TAFA1: variants seen among roughly 807,000 people sequenced by gnomAD.
TAFA1 encodes the protein chemokine-like protein TAFA-1.
A neutral mutation model predicts 18.5 loss-of-function variants in TAFA1; 4 were observed. That is an observed-to-expected ratio of 0.22 (90% CI 0.11 to 0.49). The LOEUF is 0.49. Among genes scored for constraint, TAFA1 ranks in the 20% least tolerant of loss-of-function variants. The pLI is 0.98. For missense variants in TAFA1, 147 were observed against 169.0 expected, an observed-to-expected ratio of 0.87 and a Z score of 0.72; for synonymous variants, 56 against 55.2, an observed-to-expected ratio of 1.01 and a Z score of -0.06.
intron 2 of TAFA1, among the ~76,000 whole-genome samples, chr3:68,387,855 T>C (rs768739426): frequency 6.6e-6 from 1 of 152,172 alleles, no homozygotes; most frequent in African/African-American, 2.4e-5. Flanking sequence ...ATTTATAATA[T>C]GCATTTCATT....
At chr3:68,177,575 A>G (rs1236750840) in intron 2 of TAFA1, among the ~76,000 whole-genome samples, 2 of 152,178 alleles carry the variant, frequency 1.3e-5, no homozygotes, top group African/African-American at 2.4e-5. Flanking sequence ...GTACAAGTTT[A>G]AATGTAGTTT....
At chr3:68,134,439 G>A (rs1031539413) in intron 2 of TAFA1, among the ~76,000 whole-genome samples, 14 of 152,020 alleles carry the variant, frequency 9.2e-5, no homozygotes, top group Non-Finnish European at 1.5e-4. Context: ...TTAAAGATCC[G>A]TATAGCTCCT....
At chr3:68,402,142 G>A (rs148079255) in intron 2 of TAFA1, among the ~76,000 whole-genome samples, 1 of 152,128 alleles carries the variant, frequency 6.6e-6, no homozygotes, top group Non-Finnish European at 1.5e-5. Context: ...AAATTAGTGA[G>A]CATGAGATTT....
At chr3:68,242,091 A>G (rs957824704) in intron 2 of TAFA1, among the ~76,000 whole-genome samples, 2 of 152,182 alleles carry the variant, frequency 1.3e-5, no homozygotes, top group African/African-American at 4.8e-5. Context: ...AGGTTAGTAT[A>G]CTAGCAAGAT....
At chr3:68,184,873 G>C (rs2066251366) in intron 2 of TAFA1, among the ~76,000 whole-genome samples, 1 of 152,060 alleles carries the variant, frequency 6.6e-6, no homozygotes, top group South Asian at 2.1e-4. Flanking sequence ...GATTCCTATG[G>C]GCTGAGACAT....
chr3:68,410,835 T>C (rs2070702041), intron 2 of TAFA1, among the ~76,000 whole-genome samples: 2 of 149,296 alleles, frequency 1.3e-5, no homozygotes, highest in Non-Finnish European at 3.0e-5. Flanking sequence ...AATTTAGAAA[T>C]GGATAGGCAT....
intron 2 of TAFA1, among the ~76,000 whole-genome samples, chr3:68,181,664 T>C (rs2066202498): frequency 6.6e-6 from 1 of 152,198 alleles, no homozygotes; most frequent in Admixed American, 6.5e-5. Flanking sequence ...ATGTCTTAGA[T>C]ACAAAAATGT....
chr3:68,108,750 T>C (rs2065232471), intron 2 of TAFA1, among the ~76,000 whole-genome samples: 1 of 152,124 alleles, frequency 6.6e-6, no homozygotes, highest in Non-Finnish European at 1.5e-5. Flanking sequence ...CAAAATAGAA[T>C]ATGATTTTTA....
intron 3 of TAFA1, among the ~76,000 whole-genome samples, chr3:68,446,100 T>A (rs1380734837): frequency 2.6e-5 from 4 of 151,986 alleles, no homozygotes; most frequent in African/African-American, 4.8e-5. Context: ...AGTGATGGGG[T>A]CTTGCTATGT....
intron 2 of TAFA1, among the ~76,000 whole-genome samples, chr3:68,393,026 T>C (rs1422742974): frequency 5.9e-5 from 9 of 151,820 alleles, no homozygotes; most frequent in Admixed American, 5.2e-4. Context: ...CTGAAGGAGA[T>C]AGAGAGATGA....
At chr3:68,380,705 C>T (rs2069929381) in intron 2 of TAFA1, among the ~76,000 whole-genome samples, 1 of 151,930 alleles carries the variant, frequency 6.6e-6, no homozygotes, top group African/African-American at 2.4e-5. Context: ...AAAATTTTCT[C>T]CCATTTTGTA....
intron 2 of TAFA1, among the ~76,000 whole-genome samples, chr3:68,052,589 A>T (rs7428056): frequency 0.55 from 83,578 of 152,068 alleles, 23,187 homozygotes; most frequent in South Asian, 0.66. Context: ...TTTTATACTG[A>T]AGCTAGGTAT....
chr3:68,101,227 G>A (rs186969851), intron 2 of TAFA1, among the ~76,000 whole-genome samples: 23 of 151,252 alleles, frequency 1.5e-4, no homozygotes, highest in African/African-American at 5.6e-4. Flanking sequence ...AGGCCCTCAA[G>A]GTAGGTGTGA....
intron 2 of TAFA1, among the ~76,000 whole-genome samples, chr3:68,080,849 A>G (rs2064888847): frequency 6.6e-6 from 1 of 152,138 alleles, no homozygotes; most frequent in Non-Finnish European, 1.5e-5. Context: ...CCTGAATCTG[A>G]ACGTTGGCCT....
chr3:68,160,225 A>G (rs2065909582), intron 2 of TAFA1, among the ~76,000 whole-genome samples: 1 of 152,228 alleles, frequency 6.6e-6, no homozygotes, highest in Non-Finnish European at 1.5e-5. Flanking sequence ...GAGTAAGTGT[A>G]CATTTTTTAT....
intron 3 of TAFA1, among the ~76,000 whole-genome samples, chr3:68,451,133 C>G (rs1461394480): frequency 6.6e-6 from 1 of 152,054 alleles, no homozygotes; most frequent in African/African-American, 2.4e-5. Flanking sequence ...CAGTTTATGC[C>G]CGTTGTCCCA....
At chr3:68,351,360 G>T (rs2069262406) in intron 2 of TAFA1, among the ~76,000 whole-genome samples, 2 of 152,032 alleles carry the variant, frequency 1.3e-5, no homozygotes, top group African/African-American at 2.4e-5. Flanking sequence ...ACGATTGTTG[G>T]AATCAGATAA....
At chr3:68,344,453 G>A (rs2069133673) in intron 2 of TAFA1, among the ~76,000 whole-genome samples, 2 of 152,276 alleles carry the variant, frequency 1.3e-5, no homozygotes, top group South Asian at 4.1e-4. Flanking sequence ...GTTGAATGAT[G>A]CTTCTTAGAT....
At chr3:68,460,445 G>T (rs1454603690) in intron 3 of TAFA1, among the ~76,000 whole-genome samples, 1 of 152,154 alleles carries the variant, frequency 6.6e-6, no homozygotes. Flanking sequence ...AGGTCCAGGG[G>T]AGAGACAGAC....
Sources: gnomAD v4.1 joint callset for allele counts (sites outside exome capture counted in the v4.1 genomes callset) on GRCh38, gnomAD v4.1.1 for gene constraint, MANE v1.5 for transcripts, NCBI Gene and HGNC (gene_info 2026-07-23, HGNC 2026-07-21) for gene names.